GARNL3: variants seen among roughly 807,000 people sequenced by gnomAD.
GARNL3 encodes the protein GTPase-activating Rap/Ran-GAP domain-like protein 3.
GARNL3 carries 63 observed loss-of-function variants against 125.0 expected under a neutral mutation model. That is an observed-to-expected ratio of 0.50 (90% CI 0.41 to 0.62). The LOEUF (loss-of-function observed/expected upper bound fraction) is 0.62, where lower values mean the gene tolerates loss of function less well. Ranked by LOEUF, GARNL3 falls within the 20% of genes least tolerant of loss-of-function variation. GARNL3 has a pLI of 0.00. For missense variants in GARNL3, 994 were observed against 1,244.0 expected (o/e 0.80, Z 3.02); for synonymous variants, 439 against 457.5 (o/e 0.96, Z 0.52).
intron 7 of GARNL3, among the ~76,000 whole-genome samples, chr9:127,325,778 AC>A (rs1468330441): frequency 1.3e-5 from 2 of 151,946 alleles, no homozygotes; most frequent in Non-Finnish European, 1.5e-5. Context: ...TGGGGATGCC[AC>A]CCCATCCTCT....
chr9:127,374,517 C>T lies in GARNL3; in HGVS notation c.2162-8921C>T, dbSNP rs182395613. ...TAAAAGAAAAAATTAATAAATTGAA[C>T]TTCATCAAAACTAAGAACTTCCTTG... On this transcript the variant is annotated intron_variant, in intron 22 of 27. Transcript: ENST00000373387. 3.9e-5 allele frequency among the ~76,000 whole-genome samples: 6 copies of T among 152,176 alleles called. No individual in the cohort carries two copies. In the East Asian group the frequency reaches 1.2e-3, roughly 29 times the overall value.
chr9:127,228,057 G>A (rs1347687262), intron 1 of GARNL3, among the ~76,000 whole-genome samples: 2 of 152,200 alleles, frequency 1.3e-5, no homozygotes, highest in African/African-American at 4.8e-5. Context: ...AACTATGTAT[G>A]TGTATATTTA....
At chr9:127,276,519 A>T (rs1323435386) in intron 1 of GARNL3, among the ~76,000 whole-genome samples, 1 of 152,092 alleles carries the variant, frequency 6.6e-6, no homozygotes, top group African/African-American at 2.4e-5. Flanking sequence ...TGACTCCCAG[A>T]TCCATATATT....
intron 1 of GARNL3, among the ~76,000 whole-genome samples, chr9:127,281,978 A>G (rs1446572213): frequency 1.3e-5 from 2 of 152,172 alleles, no homozygotes; most frequent in African/African-American, 4.8e-5. Flanking sequence ...TCCAGAATAA[A>G]TTGCATTATA....
At chr9:127,302,873 T>C (rs1292203665) in intron 2 of GARNL3, among the ~76,000 whole-genome samples, 1 of 152,126 alleles carries the variant, frequency 6.6e-6, no homozygotes, top group Non-Finnish European at 1.5e-5. Flanking sequence ...ATTCCCGGGC[T>C]GGGCATGGTG....
At chr9:127,317,854 C>T (rs1431668963) in intron 4 of GARNL3, among the ~76,000 whole-genome samples, 1 of 152,206 alleles carries the variant, frequency 6.6e-6, no homozygotes, top group Non-Finnish European at 1.5e-5. Flanking sequence ...ATGCTGAAAT[C>T]CACACATGTT....
rs372504029 is a variant in GARNL3, at chr9:127,249,492, G to A, written c.143+6243G>A. On this transcript the variant is annotated intron_variant, in intron 2 of 10. Coordinates refer to the GARNL3 transcript ENST00000439286. The stretch of plus-strand genomic sequence containing the variant: ...TCTCAGCTACCTGGGAGGCTGAGGT[G>A]GGAGGATCACCTGAGCCCGGGAAGT... 2.6e-3 allele frequency among the ~76,000 whole-genome samples: 396 copies of A among 152,212 alleles called. 2 individuals carry two copies. The highest frequency in any genetic ancestry group is 8.9e-3 in the African/African-American group (368 of 41,530).
chr9:127,304,530 C>CTTTTTTTTT (rs61493807), intron 2 of GARNL3, among the ~76,000 whole-genome samples: 99 of 99,228 alleles, frequency 1.0e-3, no homozygotes, highest in Non-Finnish European at 1.1e-3. Flanking sequence ...TGGCTTTATT[C>CTTTTTTTTT]TTTTTTTTTT....
intron 2 of GARNL3, among the ~76,000 whole-genome samples, chr9:127,307,621 G>C (rs1309530046): frequency 6.6e-6 from 1 of 152,216 alleles, no homozygotes; most frequent in Non-Finnish European, 1.5e-5. Context: ...AATAGTCATA[G>C]TGGGAAAATG....
intron 2 of GARNL3, among the ~76,000 whole-genome samples, chr9:127,244,696 A>T (rs996205988): frequency 6.6e-6 from 1 of 152,238 alleles, no homozygotes; most frequent in African/African-American, 2.4e-5. Context: ...AGCAATGGGC[A>T]CCATTGACAG....
intron 1 of GARNL3, chr9:127,225,393 G>C: frequency 5.1e-6 from 5 of 984,312 alleles, no homozygotes; most frequent in Non-Finnish European, 6.0e-6. Context: ...GTGCAGCTTC[G>C]AGAGCCCAAG....
At chr9:127,346,356 G>C (rs1455251077) in intron 16 of GARNL3, among the ~76,000 whole-genome samples, 1 of 152,144 alleles carries the variant, frequency 6.6e-6, no homozygotes, top group Non-Finnish European at 1.5e-5. Context: ...AGGTATAGAT[G>C]ATGTGAGCCT....
chr9:127,305,846 CA>C (rs1430655404), intron 2 of GARNL3, among the ~76,000 whole-genome samples: 3 of 152,110 alleles, frequency 2.0e-5, no homozygotes, highest in African/African-American at 4.8e-5. Context: ...ATAATCCTCC[CA>C]ACTCGGCCTC....
intron 7 of GARNL3, among the ~76,000 whole-genome samples, chr9:127,328,206 A>C (rs1354850485): frequency 6.6e-6 from 1 of 152,118 alleles, no homozygotes; most frequent in African/African-American, 2.4e-5. Context: ...TTTATTTTTC[A>C]ATTTTATTTC....
intron 22 of GARNL3, among the ~76,000 whole-genome samples, chr9:127,368,408 G>A (rs1434724860): frequency 6.7e-6 from 1 of 149,656 alleles, no homozygotes; most frequent in African/African-American, 2.5e-5. Context: ...TCGGCTCACT[G>A]CAACCTCTGC....
chr9:127,316,567 T>C lies in GARNL3; in HGVS notation c.439-1496T>C, dbSNP rs576432258. Among the ~76,000 whole-genome samples the C allele has an allele frequency of 2.6e-5, 4 of 152,210 alleles. No homozygotes were observed. The South Asian group carries it at 8.3e-4, about 32-fold the overall frequency. On this transcript the variant is annotated intron_variant, in intron 4 of 27. Coordinates refer to ENST00000373387, the MANE Select transcript of GARNL3 (RefSeq NM_032293.5). ...GTTTCAATGGGAAGGACCTGTAGAA[T>C]CAGAAAACGTGTATTTCTATCGTAA...
intron 1 of GARNL3, among the ~76,000 whole-genome samples, chr9:127,267,318 CT>C (rs770576070): frequency 6.6e-6 from 1 of 152,188 alleles, no homozygotes; most frequent in South Asian, 2.1e-4. Context: ...CTTGCAGCAA[CT>C]GTTTTCATCT....
At chr9:127,292,484 G>A (rs975745491) in intron 2 of GARNL3, among the ~76,000 whole-genome samples, 24 of 152,296 alleles carry the variant, frequency 1.6e-4, no homozygotes, top group South Asian at 6.2e-4. Flanking sequence ...GAAAGCTAGC[G>A]GCCACCATGC....
intron 2 of GARNL3, among the ~76,000 whole-genome samples, chr9:127,248,643 C>T (rs1389560693): frequency 7.8e-6 from 1 of 128,732 alleles, no homozygotes; most frequent in Non-Finnish European, 1.6e-5. Context: ...GGTCTCACTC[C>T]ATTGTCCAAG....
Sources: allele counts gnomAD v4.1 joint callset (sites outside exome capture counted in the v4.1 genomes callset), GRCh38; gene constraint gnomAD v4.1.1; transcripts MANE v1.5; gene names NCBI Gene and HGNC (gene_info 2026-07-23, HGNC 2026-07-21).